Variants in LRBA observed in about 807,000 individuals in gnomAD.
The protein encoded by LRBA is lipopolysaccharide-responsive and beige-like anchor protein.
LRBA carries 176 observed loss-of-function variants against 330.0 expected under a neutral mutation model. The ratio of observed to expected loss-of-function variants is 0.53; its 90% CI spans 0.47 to 0.60. The LOEUF is 0.60. LRBA is among the 20% of genes least tolerant of loss of function. The probability of loss-of-function intolerance (pLI) is 0.00; values close to 1 mark genes in which losing one functional copy is unlikely to be tolerated. For synonymous variants in LRBA, 1,230 were observed against 1,193.0 expected, an observed-to-expected ratio of 1.03 and a Z score of -0.64; for missense variants, 3,259 against 3,444.8, an observed-to-expected ratio of 0.95 and a Z score of 1.35.
At chr4:150,755,019 A>G (rs1294033038) in intron 35 of LRBA, among the ~76,000 whole-genome samples, 1 of 152,198 alleles carries the variant, frequency 6.6e-6, no homozygotes, top group African/African-American at 2.4e-5. Context: ...ACAAGTGCTA[A>G]TGGCCAACAG....
chr4:150,852,636 T>G lies in LRBA; in HGVS notation c.3074A>C (p.Asn1025Thr). The G allele has an allele frequency of 1.9e-6, 3 of 1,614,120 alleles. No homozygotes were observed. The highest frequency in any genetic ancestry group is 2.5e-6 in the Non-Finnish European group (3 of 1,179,982). The change falls in exon 23 of 57, where the codon AAT becomes ACT. Residue 1025 changes from asparagine (N) to threonine (T), a missense_variant. Transcript: ENST00000651943. The stretch of plus-strand genomic sequence containing the variant: ...AGTGCCTTCATCTGGTAACTCCTGA[T>G]TTTCTTGCTCAGCTTTCATTTCTTC... ...SYEEMKAEQE[N>T]QELPDEGTLE...
In LRBA at chr4:150,272,471, G is replaced by T. The variant is rs529704442; in HGVS notation, c.8468+5382C>A. On this transcript the variant is annotated intron_variant, in intron 56 of 56. Coordinates refer to ENST00000651943, the MANE Select transcript of LRBA (RefSeq NM_001364905.1). ...AATGGAACAAAGCTGAACAGTTTGA[G>T]AAATTAACAGAAGTAGGCTTCAGAA... is the stretch of plus-strand genomic sequence containing the variant. Among the ~76,000 whole-genome samples, 96 of 152,000 alleles carry T rather than the reference G, an allele frequency of 6.3e-4. 2 individuals are homozygous for T. Among genetic ancestry groups the T allele is most frequent in the African/African-American group, 2.2e-3 (93 of 41,500 alleles).
intron 17 of LRBA, among the ~76,000 whole-genome samples, chr4:150,881,387 G>A (rs1162526226): frequency 6.6e-6 from 1 of 152,140 alleles, no homozygotes; most frequent in Non-Finnish European, 1.5e-5. Context: ...GCAGCTGGAG[G>A]TCATTATCCT....
upstream of LRBA, chr4:151,015,640 T>C (rs1300882418): frequency 2.0e-5 from 3 of 152,308 alleles, no homozygotes; most frequent in African/African-American, 7.2e-5. Flanking sequence ...GTGAGGATGC[T>C]ACTGCCACAG....
At chr4:150,713,873 G>A (rs1042566383) in intron 36 of LRBA, among the ~76,000 whole-genome samples, 2 of 152,156 alleles carry the variant, frequency 1.3e-5, no homozygotes, top group African/African-American at 4.8e-5. Flanking sequence ...AAAGACATGA[G>A]GAACAGAAGG....
At chr4:150,983,941 T>C (rs1000310674) in intron 2 of LRBA, among the ~76,000 whole-genome samples, 3 of 152,220 alleles carry the variant, frequency 2.0e-5, no homozygotes, top group African/African-American at 7.2e-5. Flanking sequence ...TTTATTCATT[T>C]ATTTAACAAA....
At chr4:150,703,912 T>A (rs891066799) in intron 36 of LRBA, among the ~76,000 whole-genome samples, 2 of 151,752 alleles carry the variant, frequency 1.3e-5, no homozygotes, top group Non-Finnish European at 2.9e-5. Flanking sequence ...TCACCTAATA[T>A]CCCATTTTTG....
intron 47 of LRBA, among the ~76,000 whole-genome samples, chr4:150,354,457 C>T (rs1315816595): frequency 6.6e-6 from 1 of 152,094 alleles, no homozygotes; most frequent in Non-Finnish European, 1.5e-5. Context: ...ATTGTTAGTA[C>T]TCCCCTAGCA....
At chr4:150,680,900 A>G (rs943675772) in intron 37 of LRBA, among the ~76,000 whole-genome samples, 2 of 152,236 alleles carry the variant, frequency 1.3e-5, no homozygotes, top group Non-Finnish European at 2.9e-5. Flanking sequence ...ATCAATAGTG[A>G]AACAAAATAA....
chr4:150,908,822 G>C lies in LRBA; in HGVS notation c.1197C>G (p.Phe399Leu), dbSNP rs775487574. ...ATAAAAGTTTGTGATGCTCAGCAAGGAAAAGGTCGCTTTCTGCTTTGAATT... is the reference window on the plus strand; with the variant it reads ...ATAAAAGTTTGTGATGCTCAGCAAGCAAAAGGTCGCTTTCTGCTTTGAATT... ...TFKFKAESDLFLAEHHKLLLY... is the reference protein window; with the variant it reads ...TFKFKAESDLLLAEHHKLLLY... The change falls in exon 10 of 57, where the codon TTC becomes TTG. Residue 399 changes from phenylalanine (F) to leucine (L), a missense_variant. Physicochemically the swap from Phe to Leu is conservative, Grantham distance 22 (BLOSUM62 0). Coordinates refer to ENST00000651943, the MANE Select transcript of LRBA (RefSeq NM_001364905.1). 23 of 1,613,340 alleles carry C rather than the reference G, an allele frequency of 1.4e-5. No individual in the cohort carries two copies. The highest frequency in any genetic ancestry group is 1.9e-5 in the Non-Finnish European group (23 of 1,179,744).
chr4:150,926,321 T>C (rs1159737942), intron 4 of LRBA, among the ~76,000 whole-genome samples: 1 of 152,172 alleles, frequency 6.6e-6, no homozygotes, highest in Non-Finnish European at 1.5e-5. Flanking sequence ...CTACCTCCTG[T>C]CCTATGTCTG....
At chr4:150,683,762 C>G in intron 36 of LRBA, 45 bp from the exon 37 acceptor site, 1 of 1,381,392 alleles carries the variant, frequency 7.2e-7, no homozygotes, top group Non-Finnish European at 9.9e-7. Context: ...GTGAAAAAAA[C>G]CTTTAAAATC....
At chr4:150,681,171 C>T (rs1270429815) in intron 37 of LRBA, among the ~76,000 whole-genome samples, 1 of 152,166 alleles carries the variant, frequency 6.6e-6, no homozygotes, top group Non-Finnish European at 1.5e-5. Context: ...AAATGCATTA[C>T]AGCTACAGTA....
intron 40 of LRBA, among the ~76,000 whole-genome samples, chr4:150,576,967 G>A (rs1337641593): frequency 6.6e-6 from 1 of 151,884 alleles, no homozygotes; most frequent in South Asian, 2.1e-4. Context: ...ATTTTGTGAG[G>A]GGGGAAGAAT....
At chr4:150,712,677 T>C (rs1786339607) in intron 36 of LRBA, among the ~76,000 whole-genome samples, 1 of 152,154 alleles carries the variant, frequency 6.6e-6, no homozygotes, top group Non-Finnish European at 1.5e-5. Flanking sequence ...AAATATTTAC[T>C]GCCAAAAAAT....
At chr4:150,777,165 C>A (rs1227094481) in intron 34 of LRBA, among the ~76,000 whole-genome samples, 1 of 151,842 alleles carries the variant, frequency 6.6e-6, no homozygotes, top group African/African-American at 2.4e-5. Flanking sequence ...ATGATTATAG[C>A]TCACTGTAGC....
chr4:150,910,857 A>G (rs953233404), intron 9 of LRBA, among the ~76,000 whole-genome samples: 1 of 152,182 alleles, frequency 6.6e-6, no homozygotes, highest in Non-Finnish European at 1.5e-5. Context: ...TTCAATGTAC[A>G]ACTCTTTTGC....
At chr4:150,818,368 G>A (rs918024401) in intron 30 of LRBA, among the ~76,000 whole-genome samples, 1 of 152,024 alleles carries the variant, frequency 6.6e-6, no homozygotes, top group African/African-American at 2.4e-5. Flanking sequence ...CTTCAGGGTA[G>A]CTGGTGTCAC....
intron 2 of LRBA, among the ~76,000 whole-genome samples, chr4:150,987,700 T>C (rs1436742743): frequency 6.7e-6 from 1 of 149,260 alleles, no homozygotes; most frequent in Non-Finnish European, 1.5e-5. Flanking sequence ...AGTGAGTCTC[T>C]GTATCCAAAA....
Sources: gnomAD v4.1 joint callset for allele counts (sites outside exome capture counted in the v4.1 genomes callset) on GRCh38, gnomAD v4.1.1 for gene constraint, MANE v1.5 for transcripts, NCBI Gene and HGNC (gene_info 2026-07-23, HGNC 2026-07-21) for gene names.